SLC35F1: variants seen among roughly 807,000 people sequenced by gnomAD.
The protein encoded by SLC35F1 is solute carrier family 35 member F1.
In SLC35F1, 14 loss-of-function variants were observed where a neutral mutation model predicts 48.7. The ratio of observed to expected loss-of-function variants is 0.29; its 90% confidence interval spans 0.19 to 0.45. The LOEUF (loss-of-function observed/expected upper bound fraction) is 0.45, where lower values mean the gene tolerates loss of function less well. SLC35F1 is among the 20% of genes least tolerant of loss of function. The pLI is 1.00. For missense variants in SLC35F1, 404 were observed against 500.0 expected (o/e 0.81, Z 1.83); for synonymous variants, 190 against 202.2 (o/e 0.94, Z 0.51).
intron 2 of SLC35F1, among the ~76,000 whole-genome samples, chr6:118,156,098 T>G (rs1359387921): frequency 1.3e-5 from 2 of 152,170 alleles, no homozygotes; most frequent in African/African-American, 4.8e-5. Context: ...TTTTAAAGTT[T>G]AACATCAATA....
At chr6:118,071,032 G>A (rs28566166) in intron 1 of SLC35F1, among the ~76,000 whole-genome samples, 4 of 314 alleles carry the variant, frequency 0.013, no homozygotes, top group African/African-American at 0.043. Flanking sequence ...TATTCTACGT[G>A]TATATATATA....
intron 1 of SLC35F1, among the ~76,000 whole-genome samples, chr6:117,926,019 A>G (rs1468958536): frequency 6.6e-6 from 1 of 152,166 alleles, no homozygotes; most frequent in Admixed American, 6.6e-5. Context: ...ACACAGTATA[A>G]TAGAAAACCA....
intron 1 of SLC35F1, among the ~76,000 whole-genome samples, chr6:117,932,469 C>T (rs182004858): frequency 6.6e-5 from 10 of 152,210 alleles, no homozygotes; most frequent in East Asian, 1.9e-4. Context: ...CATACTATAA[C>T]GACATAGATG....
chr6:118,140,866 T>C (rs1008151163), intron 1 of SLC35F1, among the ~76,000 whole-genome samples: 2 of 145,716 alleles, frequency 1.4e-5, no homozygotes, highest in African/African-American at 4.9e-5. Context: ...AAAGTAGAAA[T>C]AAGCTTATAG....
chr6:118,123,554 C>CTGTT (rs1262085656), intron 1 of SLC35F1, among the ~76,000 whole-genome samples: 2 of 152,226 alleles, frequency 1.3e-5, no homozygotes, highest in Non-Finnish European at 2.9e-5. Context: ...TTGCCTTTTG[C>CTGTT]TGTTCTACAT....
chr6:117,924,083 A>G (rs1329342316), intron 1 of SLC35F1, among the ~76,000 whole-genome samples: 1 of 148,820 alleles, frequency 6.7e-6, no homozygotes, highest in Admixed American at 6.7e-5. Flanking sequence ...ATGCATATGT[A>G]TATACACACA....
chr6:118,194,082 T>C (rs1417416372), intron 2 of SLC35F1, among the ~76,000 whole-genome samples: 1 of 152,138 alleles, frequency 6.6e-6, no homozygotes, highest in Non-Finnish European at 1.5e-5. Context: ...ACACAACATA[T>C]ATATAACTAC....
intron 1 of SLC35F1, among the ~76,000 whole-genome samples, chr6:118,081,476 T>TA (rs201156652): frequency 0.048 from 7,281 of 150,318 alleles, 253 homozygotes; most frequent in Non-Finnish European, 0.07. Context: ...ACAAAAAATT[T>TA]TAAAAAAAAA....
At chr6:118,071,060 C>CTATGTGTATATATA (rs1772709517) in intron 1 of SLC35F1, among the ~76,000 whole-genome samples, 1 of 552 alleles carries the variant, frequency 1.8e-3, no homozygotes, top group African/African-American at 5.6e-3. Context: ...TATATATATT[C>CTATGTGTATATATA]TACGTATATA....
At chr6:118,185,816 G>A (rs1472204635) in intron 2 of SLC35F1, among the ~76,000 whole-genome samples, 1 of 152,102 alleles carries the variant, frequency 6.6e-6, no homozygotes, top group Non-Finnish European at 1.5e-5. Context: ...TAAGTTCTGT[G>A]ATGTCAAAGA....
chr6:118,124,709 A>G lies in SLC35F1; in HGVS notation c.174-29736A>G, dbSNP rs529176349. ...TGAGAGTCGCAAATCCTGATTTACA[A>G]ACATTTTTTTCTTCTCCTTTTGGGT... On this transcript the variant is annotated intron_variant, in intron 1 of 7. Coordinates refer to ENST00000360388, the MANE Select transcript of SLC35F1 (RefSeq NM_001029858.4). 9.2e-5 allele frequency among the ~76,000 whole-genome samples: 14 copies of G among 152,290 alleles called. No homozygotes were observed. The South Asian group carries it at 2.9e-3, about 32-fold the overall frequency.
intron 2 of SLC35F1, among the ~76,000 whole-genome samples, chr6:118,228,543 A>T (rs1775248479): frequency 6.6e-6 from 1 of 152,002 alleles, no homozygotes; most frequent in African/African-American, 2.4e-5. Context: ...ACTCTATAAA[A>T]ATTGGTCAGA....
rs1037564199 is a variant in SLC35F1 at position 118,235,893 on chromosome 6, G to GT, written c.477+261dup. On this transcript the variant is annotated intron_variant, in intron 3 of 7. Coordinates refer to ENST00000360388, the MANE Select transcript of SLC35F1 (RefSeq NM_001029858.4). ...TAAATTTAAGTGTAATTGGACATAT[G>GT]TTTTCTCTTTGTTTTGAATATATTG... Among the ~76,000 whole-genome samples, 73 of 152,056 alleles carry GT rather than the reference G, an allele frequency of 4.8e-4. 1 individual carries two copies. The highest frequency in any genetic ancestry group is 1.7e-3 in the African/African-American group (71 of 41,484).
At chr6:118,086,368 C>G (rs1405378258) in intron 1 of SLC35F1, among the ~76,000 whole-genome samples, 1 of 152,200 alleles carries the variant, frequency 6.6e-6, no homozygotes, top group Admixed American at 6.5e-5. Context: ...AGTTCTGCTG[C>G]TCATTTGCAA....
At chr6:118,299,387 G>A in intron 7 of SLC35F1, among the ~76,000 whole-genome samples, 1 of 152,140 alleles carries the variant, frequency 6.6e-6, no homozygotes, top group East Asian at 1.9e-4. Context: ...TCCTACCAAT[G>A]GGTCCATAAA....
At chr6:118,003,444 G>T (rs549596191) in intron 1 of SLC35F1, among the ~76,000 whole-genome samples, 3 of 152,306 alleles carry the variant, frequency 2.0e-5, no homozygotes, top group South Asian at 2.1e-4. Context: ...TGCCGGCTGT[G>T]GTCTTCGGAT....
At chr6:118,009,133 T>C (rs900075063) in intron 1 of SLC35F1, among the ~76,000 whole-genome samples, 1 of 152,182 alleles carries the variant, frequency 6.6e-6, no homozygotes, top group Non-Finnish European at 1.5e-5. Context: ...TATTCATTTA[T>C]TCTACAAATA....
intron 4 of SLC35F1, among the ~76,000 whole-genome samples, chr6:118,274,554 C>T (rs989771696): frequency 6.6e-6 from 1 of 152,098 alleles, no homozygotes; most frequent in East Asian, 1.9e-4. Flanking sequence ...CCCGCCACCA[C>T]ATCTGGCTAA....
In SLC35F1 at chr6:118,203,363, A is replaced by C. The variant is rs1774894582; in HGVS notation, c.350-32146A>C. 2.0e-5 allele frequency among the ~76,000 whole-genome samples: 3 copies of C among 152,254 alleles called. No individual in the cohort carries two copies. In the South Asian group the frequency reaches 6.2e-4, roughly 32 times the overall value. On this transcript the variant is annotated intron_variant, in intron 2 of 7. Transcript: ENST00000360388. ...ATCTGTGTGAAAGAATGCCAAATGC[A>C]CAAGATACCCTCCCCTCAGGGCTGT...
Sources: gnomAD v4.1 joint callset for allele counts (sites outside exome capture counted in the v4.1 genomes callset) on GRCh38, gnomAD v4.1.1 for gene constraint, MANE v1.5 for transcripts, NCBI Gene and HGNC (gene_info 2026-07-23, HGNC 2026-07-21) for gene names.